The following AGXT variants were observed in gnomAD, a reference collection of about 807,000 sequenced individuals.
AGXT encodes L-alanine: glyoxylate aminotransferase 1.
Under a neutral mutation model 46.9 loss-of-function variants are expected in AGXT, and 41 were observed. The observed-to-expected ratio is 0.88, with a 90% CI of 0.68 to 1.14. The LOEUF is 1.14. AGXT is among the 50% of genes most tolerant of loss of function. The pLI, the probability that AGXT is intolerant of heterozygous loss-of-function variation, is 0.00. For synonymous variants in AGXT, 244 were observed against 227.9 expected (o/e 1.07, Z -0.64); for missense variants, 525 against 522.7 (o/e 1.00, Z -0.04).
chr2:240,877,381 C>G, intron 8 of AGXT, 156 bp from the exon 9 acceptor site: 1 of 737,334 alleles, frequency 1.4e-6, no homozygotes. Flanking sequence ...CTGGGGTAGT[C>G]CCAGGCCCTG....
Position 240,880,023 on chromosome 2 carries a change from G to A in AGXT, c.*1202G>A, listed in dbSNP as rs2059050307. 1 of 152,198 alleles carries A rather than the reference G, an allele frequency of 6.6e-6. No individual in the cohort carries two copies. The highest frequency in any genetic ancestry group is 6.5e-5 in the Admixed American group (1 of 15,286). The allele number at this position is 152,198 out of a possible 1,614,324, so 9.4% of individuals were successfully genotyped here. A position where few individuals can be genotyped will look rare whatever the true frequency, so the allele number is the denominator to read the frequency against. ...CATATGGACACCTCATGATTTGTTG[G>A]TTCATCACCATAGTTGAGCATCTGG... On this transcript the variant is annotated 3_prime_UTR_variant, in exon 11 of 11. Transcript: ENST00000307503.
intron 4 of AGXT, 145 bp from the exon 5 acceptor site, chr2:240,872,834 C>G (rs909592392): frequency 8.4e-6 from 6 of 717,946 alleles, no homozygotes; most frequent in Non-Finnish European, 1.3e-5. Context: ...GAGAAGGCAA[C>G]TGGCCAACTC....
chr2:240,869,761 AGCCTTC>A (rs1366481971), intron 2 of AGXT, among the ~76,000 whole-genome samples: 1 of 152,182 alleles, frequency 6.6e-6, no homozygotes, highest in East Asian at 1.9e-4. Flanking sequence ...AAATCTCAGC[AGCCTTC>A]CTTCTGGAAT....
chr2:240,878,211 A>C, intron 10 of AGXT, 61 bp downstream of exon 10: 1 of 1,602,156 alleles, frequency 6.2e-7, no homozygotes, highest in Non-Finnish European at 8.5e-7. Flanking sequence ...CTCCTTGAGC[A>C]GGACTGTGCA....
Position 240,875,967 on chromosome 2 carries a change from A to T in AGXT, c.809A>T (p.Tyr270Phe). Reference sequence around the variant, plus strand: ...CACACAATCCCCGTCATCAGCCTGTACAGCCTGAGAGAGAGCCTGGCCCTC... The same window carrying T: ...CACACAATCCCCGTCATCAGCCTGTTCAGCCTGAGAGAGAGCCTGGCCCTC... ...YHHTIPVISL[Y>F]SLRESLALIA... Residue 270 changes from tyrosine to phenylalanine, a missense_variant, in exon 8 of 11, where the codon TAC becomes TTC. Physicochemically the swap from Tyr to Phe is conservative, Grantham distance 22. Transcript: ENST00000307503. 1 of 1,614,140 alleles carries T rather than the reference A, an allele frequency of 6.2e-7. No individual in the cohort carries two copies. The highest frequency in any genetic ancestry group is 8.5e-7 in the Non-Finnish European group (1 of 1,180,018).
chr2:240,869,956 A>G (rs1182851647), intron 2 of AGXT, among the ~76,000 whole-genome samples: 1 of 152,166 alleles, frequency 6.6e-6, no homozygotes, highest in African/African-American at 2.4e-5. Flanking sequence ...CGACCGCAAC[A>G]GCCAAGAGGG....
chr2:240,870,706 G>A lies in AGXT; in HGVS notation c.421G>A (p.Glu141Lys). The stretch of plus-strand genomic sequence containing the variant: ...CCACTACACACTGCAGGAGGTGGAG[G>A]AGGTAGGGGACCCGGGGTGGGGGTC... ...GGHYTLQEVEEGLAQHKPVLL... is the reference protein window; with the variant it reads ...GGHYTLQEVEKGLAQHKPVLL... Residue 141 changes from glutamate (E) to lysine (K), a missense_variant and splice_region_variant, in exon 3 of 11, where the codon GAG (glutamate) becomes AAG (lysine). Coordinates refer to ENST00000307503, the MANE Select transcript of AGXT (RefSeq NM_000030.3). 1 of 1,555,346 alleles carries A rather than the reference G, an allele frequency of 6.4e-7. No homozygotes were observed. The highest frequency in any genetic ancestry group is 8.7e-7 in the Non-Finnish European group (1 of 1,149,278).
In AGXT at chr2:240,873,472, C is replaced by T. The variant is rs1264121269; in HGVS notation, c.595+423C>T. 3.4e-5 allele frequency: 9 copies of T among 267,208 alleles called. No homozygotes were observed. The Admixed American group carries it at 3.5e-4, about 10-fold the overall frequency. The allele number at this position is 267,208 out of a possible 1,614,324, so 16.6% of individuals were successfully genotyped here. ...CAGTGAGCACCACTGTCAGGGTCAC[C>T]TCGCAGGGAACCTCAACCAGGCCGG... On this transcript the variant is annotated intron_variant, in intron 5 of 10. Transcript: ENST00000307503.
At chr2:240,872,245 T>A (rs2058994719) in intron 4 of AGXT, among the ~76,000 whole-genome samples, 1 of 127,694 alleles carries the variant, frequency 7.8e-6, no homozygotes, top group Admixed American at 8.4e-5. Flanking sequence ...TGGAGGAGGA[T>A]AAGAGTTCGT....
chr2:240,873,092 T>G lies in AGXT; in HGVS notation c.595+43T>G, dbSNP rs201066378. The G allele has an allele frequency of 2.2e-4, 340 of 1,559,146 alleles. No individual in the cohort carries two copies. The African/African-American group carries it at 3.1e-3, about 14-fold the overall frequency. On this transcript the variant is annotated intron_variant, in intron 5 of 10. Coordinates refer to ENST00000307503, the MANE Select transcript of AGXT (RefSeq NM_000030.3). Reference sequence around the variant, plus strand: ...GAGCCCTACCCAGCCCAAGCAGCCTTGGGGCTCCGCGTGCAGGAAGCCCTG... The same window carrying G: ...GAGCCCTACCCAGCCCAAGCAGCCTGGGGGCTCCGCGTGCAGGAAGCCCTG...
rs11894759 is a variant in AGXT at position 240,877,454 on chromosome 2, G to A, written c.847-83G>A. ...CCTGCACCAAGGCCTGCAGAGTCAG[G>A]TTCTTCCTCCCGCACCACAGAGGGC... On this transcript the variant is annotated intron_variant, in intron 8 of 10. Coordinates refer to ENST00000307503, the MANE Select transcript of AGXT (RefSeq NM_000030.3). 41 of 1,347,260 alleles carry A rather than the reference G, an allele frequency of 3.0e-5. No individual in the cohort carries two copies. In the South Asian group the frequency reaches 4.6e-4, roughly 15 times the overall value. 83.5% of individuals were successfully genotyped at this position (1,347,260 alleles called of 1,614,324 possible).
At chr2:240,876,558 T>C (rs1575711565) in intron 8 of AGXT, among the ~76,000 whole-genome samples, 1 of 152,102 alleles carries the variant, frequency 6.6e-6, no homozygotes, top group East Asian at 1.9e-4. Flanking sequence ...AGACAGGAAG[T>C]CCCACCTACT....
intron 7 of AGXT, 70 bp downstream of exon 7, chr2:240,875,274 A>G: frequency 1.5e-6 from 2 of 1,323,624 alleles, no homozygotes; most frequent in Non-Finnish European, 2.2e-6. Flanking sequence ...CTGGCCTCTC[A>G]CTGCACTCAG....
chr2:240,878,629 C>A lies in AGXT; in HGVS notation c.1072-85C>A, dbSNP rs2059040856. On this transcript the variant is annotated intron_variant, in intron 10 of 10. Transcript: ENST00000307503. The stretch of plus-strand genomic sequence containing the variant: ...GGTGGGTGGTCCTCACTCAGGTGAG[C>A]CCATCCTGGCTCTGGCCAGCTGTCG... 3.3e-5 allele frequency: 43 copies of A among 1,312,568 alleles called. No homozygotes were observed. The South Asian group carries it at 5.5e-4, about 17-fold the overall frequency. The allele number at this position is 1,312,568 out of a possible 1,614,324, so 81.3% of individuals were successfully genotyped here.
At chr2:240,870,370 G>C (rs1479856122) in intron 2 of AGXT, among the ~76,000 whole-genome samples, 1 of 152,174 alleles carries the variant, frequency 6.6e-6, no homozygotes, top group Non-Finnish European at 1.5e-5. Context: ...GCACTGGTCA[G>C]TGTGGCCTGA....
chr2:240,874,200 C>A, intron 6 of AGXT, 138 bp downstream of exon 6: 1 of 848,600 alleles, frequency 1.2e-6, no homozygotes. Context: ...CCCGCCCACC[C>A]TCTGGGAGGC....
chr2:240,870,523 GGGTGCCAC>G, intron 2 of AGXT, 113 bp from the exon 3 acceptor site: 2 of 1,180,846 alleles, frequency 1.7e-6, no homozygotes, highest in Non-Finnish European at 2.4e-6. Context: ...CAGGCAGCCA[GGGTGCCAC>G]GGTGGGTGGG....
rs2059005224 is a variant in AGXT at position 240,873,920 on chromosome 2, T to C, written c.596-58T>C. On this transcript the variant is annotated intron_variant, in intron 5 of 10. Coordinates refer to ENST00000307503, the MANE Select transcript of AGXT (RefSeq NM_000030.3). ...CCCATTAGCTAGGCAGGCATCCCGC[T>C]GGACTGGCCTGCCCTGAGGTGGGAC... 3 of 1,500,074 alleles carry C rather than the reference T, an allele frequency of 2.0e-6. No individual in the cohort carries two copies. The East Asian group carries it at 6.8e-5, about 34-fold the overall frequency. 92.9% of individuals were successfully genotyped at this position (1,500,074 alleles called of 1,614,324 possible). A position where few individuals can be genotyped will look rare whatever the true frequency, so the allele number is the denominator to read the frequency against.
intron 2 of AGXT, 108 bp downstream of exon 2, chr2:240,869,470 C>T: frequency 3.8e-6 from 5 of 1,321,872 alleles, no homozygotes; most frequent in Non-Finnish European, 5.1e-6. Flanking sequence ...AGCGCTTACC[C>T]ACCTTGTGGC....
Sources: gnomAD v4.1 joint callset for allele counts (sites outside exome capture counted in the v4.1 genomes callset) on GRCh38, gnomAD v4.1.1 for gene constraint, MANE v1.5 for transcripts, NCBI Gene and HGNC (gene_info 2026-07-23, HGNC 2026-07-21) for gene names.